The following UGT1A7 variants were observed in gnomAD, a reference collection of about 807,000 sequenced individuals.
The protein encoded by UGT1A7 is UDP-glucuronosyltransferase 1A7.
Under a neutral mutation model 45.6 loss-of-function variants are expected in UGT1A7, and 33 were observed. That is an observed-to-expected ratio of 0.72 (90% CI 0.55 to 0.97). UGT1A7 has a LOEUF of 0.97. Among genes scored for constraint, UGT1A7 ranks in the 50% least tolerant of loss-of-function variants. The pLI is 0.00. For missense variants in UGT1A7, 684 were observed against 666.2 expected (o/e 1.03, Z -0.29); for synonymous variants, 274 against 250.6 (o/e 1.09, Z -0.88).
rs553351524 is a variant in UGT1A7, at chr2:233,769,411, G to A, written c.1295+972G>A. ...ATACTGTGTGCATATGTGCGTGTGC[G>A]TTTGTGCATGTGGCTGTGCTCATGT... is the stretch of plus-strand genomic sequence containing the variant. On this transcript the variant is annotated intron_variant, in intron 4 of 4. Coordinates refer to ENST00000373426, the MANE Select transcript of UGT1A7 (RefSeq NM_019077.3). This position sits in a 1 kb window ranked among gnomAD's most constrained non-coding sequence, Gnocchi z 4.4. 25 of 1,356,294 alleles carry A rather than the reference G, an allele frequency of 1.8e-5. No individual in the cohort carries two copies. The highest frequency in any genetic ancestry group is 8.6e-5 in the African/African-American group (6 of 69,942). The allele number at this position is 1,356,294 out of a possible 1,614,324, so 84.0% of individuals were successfully genotyped here. A position where few individuals can be genotyped will look rare whatever the true frequency, so the allele number is the denominator to read the frequency against.
At chr2:233,722,546 CT>C (rs1401717702) in intron 1 of UGT1A7, among the ~76,000 whole-genome samples, 1 of 152,096 alleles carries the variant, frequency 6.6e-6, no homozygotes, top group East Asian at 1.9e-4. Context: ...ATCCTAGTTT[CT>C]TTTGGTTGAT....
intron 1 of UGT1A7, chr2:233,718,072 AG>A (rs1223912605): frequency 5.8e-6 from 2 of 346,088 alleles, no homozygotes; most frequent in East Asian, 1.5e-4. Context: ...GGTCCTTGCT[AG>A]GGTTGTCTTG....
At chr2:233,754,376 GACAA>G in intron 1 of UGT1A7, 1 of 288,532 alleles carries the variant, frequency 3.5e-6, no homozygotes, top group Non-Finnish European at 6.7e-6. Context: ...ATGATCGAAA[GACAA>G]ACAGAGGTCC....
intron 1 of UGT1A7, among the ~76,000 whole-genome samples, chr2:233,764,036 G>A (rs905956037): frequency 6.6e-6 from 1 of 152,136 alleles, no homozygotes; most frequent in South Asian, 2.1e-4. Flanking sequence ...TGCTAAAGAA[G>A]AATTCTGGGA....
intron 1 of UGT1A7, among the ~76,000 whole-genome samples, chr2:233,686,733 C>G (rs978892759): frequency 6.6e-6 from 1 of 152,248 alleles, no homozygotes; most frequent in African/African-American, 2.4e-5. Flanking sequence ...AGGTCAACCT[C>G]TTGCCTTCCC....
At chr2:233,726,649 CTTAAT>C (rs898700171) in intron 1 of UGT1A7, among the ~76,000 whole-genome samples, 5 of 152,174 alleles carry the variant, frequency 3.3e-5, no homozygotes, top group Non-Finnish European at 7.3e-5. Context: ...TCTTAAAACT[CTTAAT>C]TTAATCATAT....
At chr2:233,713,422 C>T (rs1163923876) in intron 1 of UGT1A7, 2 of 1,614,168 alleles carry the variant, frequency 1.2e-6, no homozygotes, top group Admixed American at 3.3e-5. Flanking sequence ...CTGCATGCTA[C>T]TTCCTTTGAT....
At chr2:233,707,553 G>A (rs1016218991) in intron 1 of UGT1A7, among the ~76,000 whole-genome samples, 23 of 118,818 alleles carry the variant, frequency 1.9e-4, no homozygotes, top group African/African-American at 7.4e-4. Context: ...TTTTTTTTTT[G>A]GTTCAACCTT....
chr2:233,744,711 T>A (rs1692896185), intron 1 of UGT1A7, among the ~76,000 whole-genome samples: 1 of 151,888 alleles, frequency 6.6e-6, no homozygotes, highest in Non-Finnish European at 1.5e-5. Context: ...TGTACACTTG[T>A]GAGAGAATGA....
intron 1 of UGT1A7, chr2:233,744,077 T>C: frequency 4.4e-6 from 2 of 457,126 alleles, no homozygotes; most frequent in Non-Finnish European, 7.3e-6. Flanking sequence ...GCGCCTCGCA[T>C]CCCAAGATGC....
intron 1 of UGT1A7, among the ~76,000 whole-genome samples, chr2:233,745,825 G>A (rs1307073963): frequency 2.0e-5 from 3 of 151,398 alleles, no homozygotes; most frequent in Non-Finnish European, 2.9e-5. Context: ...GCAAGGCAGA[G>A]GACTCTGAAT....
intron 1 of UGT1A7, among the ~76,000 whole-genome samples, chr2:233,746,735 T>A (rs1693464180): frequency 6.6e-6 from 1 of 151,806 alleles, no homozygotes; most frequent in African/African-American, 2.4e-5. Context: ...GGATTCTGCT[T>A]TGGTTCCAAA....
Position 233,769,813 on chromosome 2 carries a change from C to A in UGT1A7, c.1295+1374C>A. 2.1e-6 allele frequency: 2 copies of A among 945,300 alleles called. No individual in the cohort carries two copies. The highest frequency in any genetic ancestry group is 2.9e-6 in the Non-Finnish European group (2 of 681,442). 58.6% of individuals were successfully genotyped at this position (945,300 alleles called of 1,614,324 possible). On this transcript the variant is annotated intron_variant, in intron 4 of 4. Coordinates refer to ENST00000373426, the MANE Select transcript of UGT1A7 (RefSeq NM_019077.3). This position sits in a 1 kb window ranked among gnomAD's most constrained non-coding sequence, Gnocchi z 4.4. ...GAGGCTGCTATGAGCCGTGATCATG[C>A]CACTGCACTCCAGCAACCTGGGCAA...
chr2:233,769,591 A>G lies in UGT1A7; in HGVS notation c.1295+1152A>G. ...CTGGAGCATGTTCAGATGAGAGGAGACGGAACACGGGGACACACCAGCTTG... is the reference window on the plus strand; with the variant it reads ...CTGGAGCATGTTCAGATGAGAGGAGGCGGAACACGGGGACACACCAGCTTG... On this transcript the variant is annotated intron_variant, in intron 4 of 4. Transcript: ENST00000373426. The surrounding 1 kb of genome is among the most constrained non-coding windows in gnomAD (Gnocchi z 4.4). The G allele has an allele frequency of 6.2e-7, 1 of 1,612,772 alleles. No individual in the cohort carries two copies. The highest frequency in any genetic ancestry group is 8.5e-7 in the Non-Finnish European group (1 of 1,179,866).
chr2:233,693,835 C>G lies in UGT1A7; in HGVS notation c.855+11043C>G, dbSNP rs764583792. ...CCAACATGGTCTTCATTGGAGGTAT[C>G]AACTGTAAGAAGAGGAAAGACTTGT... is the stretch of plus-strand genomic sequence containing the variant. On this transcript the variant is annotated intron_variant, in intron 1 of 4. Transcript: ENST00000373426. 8 of 1,614,056 alleles carry G rather than the reference C, an allele frequency of 5.0e-6. No homozygotes were observed. The East Asian group carries it at 1.6e-4, about 31-fold the overall frequency.
intron 1 of UGT1A7, chr2:233,729,208 A>C: frequency 6.2e-7 from 1 of 1,614,056 alleles, no homozygotes; most frequent in Non-Finnish European, 8.5e-7. Flanking sequence ...CTGGGCTGAG[A>C]GTGGAAAGGT....
intron 1 of UGT1A7, 104 bp from the exon 2 acceptor site, chr2:233,766,930 T>G: frequency 1.9e-6 from 3 of 1,580,254 alleles, no homozygotes; most frequent in Admixed American, 1.8e-5. Flanking sequence ...ACGCATGCCT[T>G]TAATCATAGT....
chr2:233,745,199 G>C (rs1446932556), intron 1 of UGT1A7, among the ~76,000 whole-genome samples: 2 of 151,776 alleles, frequency 1.3e-5, no homozygotes, highest in Non-Finnish European at 2.9e-5. Context: ...AAAACAACCA[G>C]GGAGATCCTC....
intron 1 of UGT1A7, among the ~76,000 whole-genome samples, chr2:233,764,664 G>A (rs1266153786): frequency 6.6e-6 from 1 of 152,094 alleles, no homozygotes; most frequent in African/African-American, 2.4e-5. Flanking sequence ...ATTTACCAAC[G>A]CTCAGAAGAA....
Sources: gnomAD v4.1 joint callset for allele counts (sites outside exome capture counted in the v4.1 genomes callset) on GRCh38, gnomAD v4.1.1 for gene constraint, Gnocchi (gnomAD v3.1) non-coding constraint, MANE v1.5 for transcripts, NCBI Gene and HGNC (gene_info 2026-07-23, HGNC 2026-07-21) for gene names.